ZBED3: variants seen among roughly 807,000 people sequenced by gnomAD.
ZBED3 encodes the protein zinc finger BED domain-containing protein 3.
For missense variants in ZBED3, 388 were observed against 362.9 expected (o/e 1.07, Z -0.56); for synonymous variants, 175 against 180.0 (o/e 0.97, Z 0.22).
rs1249510999 is a variant in ZBED3 at position 77,076,023 on chromosome 5, ATATATATATGTATATATG to A, written c.*1133_*1150del. ...TATGTATATATATATGTATATATGT[ATATATATATGTATATATG>A]TATATATATATATAATATATACACA... On this transcript the variant is annotated 3_prime_UTR_variant, in exon 3 of 3. Coordinates refer to ENST00000255198, the MANE Select transcript of ZBED3 (RefSeq NM_032367.4). 697 of 75,228 alleles carry A rather than the reference ATATATATATGTATATATG, an allele frequency of 9.3e-3. 85 individuals are homozygous for A. Among genetic ancestry groups the A allele is most frequent in the Non-Finnish European group, 0.014 (521 of 36,656 alleles). 4.7% of individuals were successfully genotyped at this position (75,228 alleles called of 1,614,324 possible). A position where few individuals can be genotyped will look rare whatever the true frequency, so the allele number is the denominator to read the frequency against.
rs1159328230 is a variant in ZBED3 at position 77,075,944 on chromosome 5, C to CATATAT, written c.*1224_*1229dup. ...CCTAGAACTTAAAGTATTATATATA[C>CATATAT]ATATATATATATATATATATATGTA... is the stretch of plus-strand genomic sequence containing the variant. On this transcript the variant is annotated 3_prime_UTR_variant, in exon 3 of 3. Coordinates refer to ENST00000255198, the MANE Select transcript of ZBED3 (RefSeq NM_032367.4). 128 of 23,440 alleles carry CATATAT rather than the reference C, an allele frequency of 5.5e-3. 23 individuals are homozygous for CATATAT. The highest frequency in any genetic ancestry group is 0.018 in the South Asian group (13 of 740). The allele number at this position is 23,440 out of a possible 1,614,324, so 1.5% of individuals were successfully genotyped here.
In ZBED3 at chr5:77,073,243, A is replaced by T; in HGVS notation, c.*3931T>A. ...CAGGACATTCAGGCTCGCACTAGCC[A>T]TCTTTGAGGGAGTAGTTAAGATTCT... On this transcript the variant is annotated 3_prime_UTR_variant, in exon 3 of 3. Coordinates refer to ENST00000255198, the MANE Select transcript of ZBED3 (RefSeq NM_032367.4). 1 of 152,204 alleles carries T rather than the reference A, an allele frequency of 6.6e-6. No homozygotes were observed. Among genetic ancestry groups the T allele is most frequent in the Non-Finnish European group, 1.5e-5 (1 of 68,036 alleles). 9.4% of individuals were successfully genotyped at this position (152,204 alleles called of 1,614,324 possible). A position where few individuals can be genotyped will look rare whatever the true frequency, so the allele number is the denominator to read the frequency against.
chr5:77,082,268 G>GAAA, intron 1 of ZBED3, among the ~76,000 whole-genome samples: 1 of 123,916 alleles, frequency 8.1e-6, no homozygotes, highest in African/African-American at 3.0e-5. Context: ...ATGCTGTATT[G>GAAA]AAAAAAAAAA....
Position 77,076,872 on chromosome 5 carries a change from A to T in ZBED3, c.*302T>A. On this transcript the variant is annotated 3_prime_UTR_variant, in exon 3 of 3. Transcript: ENST00000255198. The stretch of plus-strand genomic sequence containing the variant: ...CCATGGCACTGGGTGGTCTGGGTTC[A>T]CGGGGCTCCTGGAGCTCTCGGGTGT... 4.2e-6 allele frequency: 1 copy of T among 237,196 alleles called. No individual in the cohort carries two copies. Among genetic ancestry groups the T allele is most frequent in the Non-Finnish European group, 8.1e-6 (1 of 123,784 alleles). The allele number at this position is 237,196 out of a possible 1,614,324, so 14.7% of individuals were successfully genotyped here.
chr5:77,072,073 G>A lies in ZBED3; in HGVS notation c.*5101C>T, dbSNP rs1444431463. 1 of 152,132 alleles carries A rather than the reference G, an allele frequency of 6.6e-6. No homozygotes were observed. The highest frequency in any genetic ancestry group is 1.5e-5 in the Non-Finnish European group (1 of 68,022). 9.4% of individuals were successfully genotyped at this position (152,132 alleles called of 1,614,324 possible). A position where few individuals can be genotyped will look rare whatever the true frequency, so the allele number is the denominator to read the frequency against. On this transcript the variant is annotated 3_prime_UTR_variant, in exon 3 of 3. Transcript: ENST00000255198. The stretch of plus-strand genomic sequence containing the variant: ...AATAAAGCTTTCATTACCATTTAAT[G>A]TTTTTCCTTAAAGCCTCATTTTAAT...
chr5:77,077,518 G>A lies in ZBED3; in HGVS notation c.361C>T (p.Pro121Ser), dbSNP rs1243436694. Reference sequence around the variant, plus strand: ...CAGTCGCCCTCGGGGGCCGCAGCGGGGCCGGGCGGCGGCGGGCAGGGCGCG... The same window carrying A: ...CAGTCGCCCTCGGGGGCCGCAGCGGAGCCGGGCGGCGGCGGGCAGGGCGCG... ...PAAPCPPPPGPAAAPEGDWAR... is the reference protein window; with the variant it reads ...PAAPCPPPPGSAAAPEGDWAR... Residue 121 changes from proline to serine, a missense_variant, in exon 3 of 3, where the codon CCC becomes TCC. Pro to Ser is a moderately conservative substitution (Grantham distance 74). Coordinates refer to ENST00000255198, the MANE Select transcript of ZBED3 (RefSeq NM_032367.4). The A allele has an allele frequency of 1.7e-6, 2 of 1,201,712 alleles. No individual in the cohort carries two copies. The highest frequency in any genetic ancestry group is 7.2e-5 in the East Asian group (2 of 27,914). 74.4% of individuals were successfully genotyped at this position (1,201,712 alleles called of 1,614,324 possible).
chr5:77,080,244 A>T (rs1743101432), intron 1 of ZBED3, among the ~76,000 whole-genome samples: 1 of 152,224 alleles, frequency 6.6e-6, no homozygotes, highest in Non-Finnish European at 1.5e-5. Flanking sequence ...GCCAGAGGTG[A>T]CTGATTACTG....
At position 77,077,675 on chromosome 5, in the gene ZBED3, G is replaced by T; in HGVS notation, c.204C>A (p.Thr68=). 7.2e-7 allele frequency: 1 copy of T among 1,383,910 alleles called. No homozygotes were observed. The highest frequency in any genetic ancestry group is 9.3e-7 in the Non-Finnish European group (1 of 1,072,836). The allele number at this position is 1,383,910 out of a possible 1,614,324, so 85.7% of individuals were successfully genotyped here. A position where few individuals can be genotyped will look rare whatever the true frequency, so the allele number is the denominator to read the frequency against. The change falls in exon 3 of 3, where the codon ACC becomes ACA. Residue 68 remains threonine (T), a synonymous_variant. Coordinates refer to ENST00000255198, the MANE Select transcript of ZBED3 (RefSeq NM_032367.4). ...RPGHPSGHWA[T]CRLCGEQVGR... is the part of the protein sequence containing the mutation. ...CCACCTGCTCCCCGCACAGACGGCA[G>T]GTGGCCCAGTGGCCCGACGGATGCC...
rs1338710288 is a variant in ZBED3, at chr5:77,073,516, GTGT to G, written c.*3655_*3657del. ...TTTACAGAGGTGACAGGATTTTGGG[GTGT>G]TGTTTTTTTCTGTTCTTCTTCCTTG... On this transcript the variant is annotated 3_prime_UTR_variant, in exon 3 of 3. Coordinates refer to ENST00000255198, the MANE Select transcript of ZBED3 (RefSeq NM_032367.4). The G allele has an allele frequency of 1.3e-5, 2 of 152,106 alleles. No individual in the cohort carries two copies. Among genetic ancestry groups the G allele is most frequent in the Non-Finnish European group, 2.9e-5 (2 of 68,018 alleles). The allele number at this position is 152,106 out of a possible 1,614,324, so 9.4% of individuals were successfully genotyped here. A position where few individuals can be genotyped will look rare whatever the true frequency, so the allele number is the denominator to read the frequency against.
chr5:77,077,655 TG>T lies in ZBED3; in HGVS notation c.223del (p.Gln75ArgfsTer19). 7.1e-7 allele frequency: 1 copy of T among 1,410,684 alleles called. No individual in the cohort carries two copies. The highest frequency in any genetic ancestry group is 1.5e-5 in the South Asian group (1 of 68,250). The allele number at this position is 1,410,684 out of a possible 1,614,324, so 87.4% of individuals were successfully genotyped here. A position where few individuals can be genotyped will look rare whatever the true frequency, so the allele number is the denominator to read the frequency against. Reference protein sequence around the residue: ...HWATCRLCGEQVGRGPGFHAG... With the variant: ...HWATCRLCGEXVGRGPGFHAG... ...GTGGAAGCCCGGGCCGCGGCCCACC[TG>T]CTCCCCGCACAGACGGCAGGTGGCC... On this transcript the variant is annotated frameshift_variant, in exon 3 of 3. Coordinates refer to ENST00000255198, the MANE Select transcript of ZBED3 (RefSeq NM_032367.4). LOFTEE classifies it low-confidence loss of function (END_TRUNC).
At position 77,077,804 on chromosome 5, in the gene ZBED3, C is replaced by CT. The variant is rs1297357797; in HGVS notation, c.74dup (p.Cys26ValfsTer178). 1 of 1,302,696 alleles carries CT rather than the reference C, an allele frequency of 7.7e-7. No individual in the cohort carries two copies. Among genetic ancestry groups the CT allele is most frequent in the Non-Finnish European group, 9.7e-7 (1 of 1,031,394 alleles). 80.7% of individuals were successfully genotyped at this position (1,302,696 alleles called of 1,614,324 possible). A position where few individuals can be genotyped will look rare whatever the true frequency, so the allele number is the denominator to read the frequency against. On this transcript the variant is annotated frameshift_variant, in exon 3 of 3. Transcript: ENST00000255198. LOFTEE classifies it low-confidence loss of function (END_TRUNC). ...TCGGCGCCGGCCCCAGTCCCGGACA[C>CT]TGACCGCCCCGCGCCGCCGCGTCGT...
chr5:77,086,338 T>A (rs1312735864), intron 1 of ZBED3, among the ~76,000 whole-genome samples: 1 of 152,114 alleles, frequency 6.6e-6, no homozygotes, highest in Non-Finnish European at 1.5e-5. Flanking sequence ...CTTTTTTTTT[T>A]ATTCTTGGCT....
In ZBED3 at chr5:77,076,631, G is replaced by C. The variant is rs989090969; in HGVS notation, c.*543C>G. The C allele has an allele frequency of 3.9e-5, 6 of 152,184 alleles. No individual in the cohort carries two copies. The highest frequency in any genetic ancestry group is 8.8e-5 in the Non-Finnish European group (6 of 68,096). The allele number at this position is 152,184 out of a possible 1,614,324, so 9.4% of individuals were successfully genotyped here. ...TCTACAGCAGTCATGGAAACTAGAGGGGACGTCCCTCACCCACCCTTCAGA... is the reference window on the plus strand; with the variant it reads ...TCTACAGCAGTCATGGAAACTAGAGCGGACGTCCCTCACCCACCCTTCAGA... On this transcript the variant is annotated 3_prime_UTR_variant, in exon 3 of 3. Coordinates refer to ENST00000255198, the MANE Select transcript of ZBED3 (RefSeq NM_032367.4).
At position 77,075,725 on chromosome 5, in the gene ZBED3, T is replaced by C. The variant is rs1319684696; in HGVS notation, c.*1449A>G. Reference sequence around the variant, plus strand: ...AAAAATAAGAAAAAAAAGAGGCCTATGGAAAAACTGGGAACCAGTATGCAA... The same window carrying C: ...AAAAATAAGAAAAAAAAGAGGCCTACGGAAAAACTGGGAACCAGTATGCAA... On this transcript the variant is annotated 3_prime_UTR_variant, in exon 3 of 3. Transcript: ENST00000255198. 1 of 151,076 alleles carries C rather than the reference T, an allele frequency of 6.6e-6. No homozygotes were observed. Among genetic ancestry groups the C allele is most frequent in the African/African-American group, 2.4e-5 (1 of 41,128 alleles). The allele number at this position is 151,076 out of a possible 1,614,324, so 9.4% of individuals were successfully genotyped here.
At chr5:77,082,648 T>C (rs977068944) in intron 1 of ZBED3, among the ~76,000 whole-genome samples, 1 of 152,086 alleles carries the variant, frequency 6.6e-6, no homozygotes, top group African/African-American at 2.4e-5. Flanking sequence ...TATATAGCTA[T>C]AGATGAAGAA....
In ZBED3 at chr5:77,075,973, GTATATATGTA is replaced by G. The variant is rs1742978115; in HGVS notation, c.*1191_*1200del. On this transcript the variant is annotated 3_prime_UTR_variant, in exon 3 of 3. Coordinates refer to ENST00000255198, the MANE Select transcript of ZBED3 (RefSeq NM_032367.4). The stretch of plus-strand genomic sequence containing the variant: ...TATATATATATATATATATGTATAT[GTATATATGTA>G]TATATATATGTATATATGTATATAT... 5.0e-5 allele frequency: 1 copy of G among 19,938 alleles called. No homozygotes were observed. The highest frequency in any genetic ancestry group is 1.8e-4 in the African/African-American group (1 of 5,490). The allele number at this position is 19,938 out of a possible 1,614,324, so 1.2% of individuals were successfully genotyped here.
chr5:77,077,930 G>A, intron 2 of ZBED3, 35 bp from the exon 3 acceptor site: 1 of 1,228,226 alleles, frequency 8.1e-7, no homozygotes, highest in Non-Finnish European at 1.0e-6. Flanking sequence ...ATGAGTGTTA[G>A]GATCACGCAC....
Position 77,077,428 on chromosome 5 carries a change from C to G in ZBED3, c.451G>C (p.Glu151Gln). 1 of 1,225,472 alleles carries G rather than the reference C, an allele frequency of 8.2e-7. No individual in the cohort carries two copies. The highest frequency in any genetic ancestry group is 3.2e-4 in the Middle Eastern group (1 of 3,090). 75.9% of individuals were successfully genotyped at this position (1,225,472 alleles called of 1,614,324 possible). A position where few individuals can be genotyped will look rare whatever the true frequency, so the allele number is the denominator to read the frequency against. The change falls in exon 3 of 3, where the codon GAG becomes CAG. Residue 151 changes from glutamate (E) to glutamine (Q), a missense_variant. Glu to Gln is a conservative substitution (Grantham distance 29, BLOSUM62 2). Transcript: ENST00000255198. The part of the protein sequence containing the change: ...VRGSRREREL[E>Q]RRELAVEQGE... ...TGCTCCACGGCCAGCTCGCGCCGCT[C>G]CAGCTCCCGCTCCCGCCGGCTGCCG...
intron 1 of ZBED3, among the ~76,000 whole-genome samples, chr5:77,081,874 T>C (rs1743135935): frequency 6.6e-6 from 1 of 152,218 alleles, no homozygotes; most frequent in South Asian, 2.1e-4. Flanking sequence ...GAATGTCACA[T>C]AGTCTCTGCC....
Sources: allele counts gnomAD v4.1 joint callset (sites outside exome capture counted in the v4.1 genomes callset), GRCh38; gene constraint gnomAD v4.1.1; transcripts MANE v1.5; gene names NCBI Gene and HGNC (gene_info 2026-07-23, HGNC 2026-07-21).